Variants in PRPF31 observed in about 807,000 individuals in gnomAD.
PRPF31 encodes pre-mRNA processing factor 31.
A neutral mutation model predicts 60.4 loss-of-function variants in PRPF31; 12 were observed. The observed-to-expected ratio is 0.20, with a 90% CI of 0.13 to 0.32. PRPF31 has a LOEUF of 0.32. Among genes scored for constraint, PRPF31 ranks in the 10% least tolerant of loss-of-function variants. The pLI is 1.00. For missense variants in PRPF31, 431 were observed against 687.1 expected, an observed-to-expected ratio of 0.63 and a Z score of 4.17; for synonymous variants, 287 against 287.9, an observed-to-expected ratio of 1.00 and a Z score of 0.03.
At position 54,118,340 on chromosome 19, in the gene PRPF31, G is replaced by A. The variant is rs1568581657; in HGVS notation, c.62G>A (p.Gly21Glu). 1 of 1,613,968 alleles carries A rather than the reference G, an allele frequency of 6.2e-7. No individual in the cohort carries two copies. ...LEEAAEEEEG[G>E]SYGEEEEEPA... ...GAGGCAGCAGAAGAGGAGGAAGGAG[G>A]AAGCTATGGGGAGGAAGAAGAGGAG... Residue 21 changes from glycine to glutamate, a missense_variant, in exon 2 of 14, where the codon GGA (glycine) becomes GAA (glutamate). Gly to Glu is a moderately conservative substitution (Grantham distance 98). This residue lies in a region of PRPF31 where 113 missense variants were observed against 173.8 expected (regional missense o/e 0.65). Transcript: ENST00000321030.
rs189208653 is a variant in PRPF31 at position 54,123,309 on chromosome 19, C to T, written c.421-145C>T. The T allele has an allele frequency of 3.0e-5, 22 of 726,658 alleles. No homozygotes were observed. The Middle Eastern group carries it at 8.8e-4, about 29-fold the overall frequency. 45.0% of individuals were successfully genotyped at this position (726,658 alleles called of 1,614,324 possible). On this transcript the variant is annotated intron_variant, in intron 5 of 13. Coordinates refer to ENST00000321030, the MANE Select transcript of PRPF31 (RefSeq NM_015629.4). ...GCAGGAATGGTGTGGATGCTTCAGG[C>T]GGTGGAGGCAGGAGAGGCCCCCAGT...
At chr19:54,117,955 A>G (rs1301366102) in intron 1 of PRPF31, among the ~76,000 whole-genome samples, 3 of 152,186 alleles carry the variant, frequency 2.0e-5, no homozygotes, top group African/African-American at 7.2e-5. Context: ...GGAAACAAAG[A>G]ATTTCAAAGT....
At chr19:54,129,796 G>T (rs1408364131) in intron 13 of PRPF31, among the ~76,000 whole-genome samples, 1 of 151,408 alleles carries the variant, frequency 6.6e-6, no homozygotes, top group Non-Finnish European at 1.5e-5. Context: ...GCAGTGAGCA[G>T]CGTGGAGCAT....
intron 5 of PRPF31, chr19:54,122,991 CG>C (rs2073830568): frequency 2.2e-6 from 1 of 449,318 alleles, no homozygotes; most frequent in African/African-American, 2.0e-5. Flanking sequence ...GGGAAGAGGT[CG>C]GATCACGTCC....
At chr19:54,128,501 CT>C (rs2073975590) in intron 11 of PRPF31, 124 bp downstream of exon 11, 1 of 978,996 alleles carries the variant, frequency 1.0e-6, no homozygotes, top group East Asian at 2.6e-5. Context: ...CTGCCCCAGC[CT>C]CCCCCCCCCC....
chr19:54,131,659 TA>T lies in PRPF31; in HGVS notation c.*229del, dbSNP rs2074050976. On this transcript the variant is annotated 3_prime_UTR_variant, in exon 14 of 14. Transcript: ENST00000321030. The stretch of plus-strand genomic sequence containing the variant: ...GGTCTTCATCATGCCTTGTCTTTTT[TA>T]ACTGAGAAAGGAGATTTTTTGAAAA... 1.6e-6 allele frequency: 1 copy of T among 623,400 alleles called. No individual in the cohort carries two copies. The highest frequency in any genetic ancestry group is 2.9e-5 in the Admixed American group (1 of 34,584). 38.6% of individuals were successfully genotyped at this position (623,400 alleles called of 1,614,324 possible).
intron 5 of PRPF31, chr19:54,123,122 G>C: frequency 1.9e-6 from 1 of 521,208 alleles, no homozygotes; most frequent in Non-Finnish European, 3.5e-6. Context: ...GGATGGCGGT[G>C]GGGAAGCCCC....
In PRPF31 at chr19:54,118,296, G is replaced by A. The variant is rs772745878; in HGVS notation, c.18G>A (p.Glu6=). 6.2e-7 allele frequency: 1 copy of A among 1,613,394 alleles called. No homozygotes were observed. The highest frequency in any genetic ancestry group is 2.2e-5 in the East Asian group (1 of 44,864). MSLAD[E]LLADLEEAAE... ...GCCTCGGGATGTCTCTGGCAGATGA[G>A]CTCTTAGCTGATCTCGAAGAGGCAG... The change falls in exon 2 of 14, where the codon GAG becomes GAA. Residue 6 remains glutamate, a synonymous_variant. Coordinates refer to ENST00000321030, the MANE Select transcript of PRPF31 (RefSeq NM_015629.4).
At chr19:54,124,731 C>T in intron 8 of PRPF31, 75 bp downstream of exon 8, 2 of 1,521,502 alleles carry the variant, frequency 1.3e-6, no homozygotes, top group Admixed American at 1.7e-5. Context: ...CCTGAGCAGC[C>T]ACCCACCATC....
chr19:54,127,538 A>G lies in PRPF31; in HGVS notation c.946-535A>G, dbSNP rs183751422. 3.3e-5 allele frequency among the ~76,000 whole-genome samples: 5 copies of G among 152,302 alleles called. No individual in the cohort carries two copies. In the East Asian group the frequency reaches 9.7e-4, roughly 29 times the overall value. On this transcript the variant is annotated intron_variant, in intron 9 of 13. Coordinates refer to ENST00000321030, the MANE Select transcript of PRPF31 (RefSeq NM_015629.4). ...GCCCTGTGATTCTGGGAATTAGAAC[A>G]TGGGCCTCTTTGGGCATGTGTGTGT...
Position 54,131,647 on chromosome 19 carries a change from C to T in PRPF31, c.*215C>T. 2 of 646,736 alleles carry T rather than the reference C, an allele frequency of 3.1e-6. No individual in the cohort carries two copies. Among genetic ancestry groups the T allele is most frequent in the South Asian group, 1.9e-5 (1 of 53,810 alleles). 40.1% of individuals were successfully genotyped at this position (646,736 alleles called of 1,614,324 possible). ...TGGGCTAGAGCAGGTCTTCATCATG[C>T]CTTGTCTTTTTTAACTGAGAAAGGA... On this transcript the variant is annotated 3_prime_UTR_variant, in exon 14 of 14. Transcript: ENST00000321030.
intron 7 of PRPF31, 153 bp downstream of exon 7, chr19:54,124,071 C>A: frequency 6.9e-7 from 1 of 1,448,580 alleles, no homozygotes; most frequent in Non-Finnish European, 9.2e-7. Flanking sequence ...GCCTGGCACA[C>A]AGCAAAGCCT....
Position 54,129,062 on chromosome 19 carries a change from G to C in PRPF31, c.1152G>C (p.Glu384Asp), listed in dbSNP as rs909897610. The C allele has an allele frequency of 2.5e-6, 4 of 1,573,038 alleles. No homozygotes were observed. In the South Asian group the frequency reaches 4.7e-5, roughly 18 times the overall value. Residue 384 changes from glutamate to aspartate, a missense_variant, in exon 12 of 14, where the codon GAG becomes GAC. By Grantham distance (45) the Glu-to-Asp change is conservative. Transcript: ENST00000321030. ...QANRMSFGEI[E>D]EDAYQEDLGF... Reference sequence around the variant, plus strand: ...GCGCCTCCTCTCCCCCCTAGATCGAGGAGGACGCCTACCAGGAGGACCTGG... The same window carrying C: ...GCGCCTCCTCTCCCCCCTAGATCGACGAGGACGCCTACCAGGAGGACCTGG...
rs34154455 is a variant in PRPF31 at position 54,129,140 on chromosome 19, A to G, written c.1230A>G (p.Thr410=). 4,668 of 1,581,680 alleles carry G rather than the reference A, an allele frequency of 3.0e-3. 107 individuals are homozygous for G. The African/African-American group carries it at 0.048, about 16-fold the overall frequency. ...GKSGSGRVRQ[T]QVNEATKARI... The stretch of plus-strand genomic sequence containing the variant: ...CGGGCAGTGGGCGTGTGCGGCAGAC[A>G]CAGGTAAACGAGGCCACCAAGGCCA... Residue 410 remains threonine, a synonymous_variant, in exon 12 of 14, where the codon ACA becomes ACG. Transcript: ENST00000321030.
At position 54,131,545 on chromosome 19, in the gene PRPF31, T is replaced by G; in HGVS notation, c.*113T>G. On this transcript the variant is annotated 3_prime_UTR_variant, in exon 14 of 14. Transcript: ENST00000321030. ...AGAACCTGCCCTGCCACTGGCCCCATTGCTGGGACTGCCCAGGGAGGAGGC... is the reference window on the plus strand; with the variant it reads ...AGAACCTGCCCTGCCACTGGCCCCAGTGCTGGGACTGCCCAGGGAGGAGGC... 6.7e-7 allele frequency: 1 copy of G among 1,483,548 alleles called. No individual in the cohort carries two copies. The highest frequency in any genetic ancestry group is 9.2e-7 in the Non-Finnish European group (1 of 1,085,406). The allele number at this position is 1,483,548 out of a possible 1,614,324, so 91.9% of individuals were successfully genotyped here. A position where few individuals can be genotyped will look rare whatever the true frequency, so the allele number is the denominator to read the frequency against.
rs56396916 is a variant in PRPF31, at chr19:54,122,474, A to G, written c.323-23A>G. 8.8e-3 allele frequency: 13,910 copies of G among 1,575,934 alleles called. 1,013 individuals are homozygous for G. The African/African-American group carries it at 0.16, about 18-fold the overall frequency. ...AGTCTACCTTCCATCTCACCCGACAACCTCCTGTCCCGTTTACCCTAGACA... is the reference window on the plus strand; with the variant it reads ...AGTCTACCTTCCATCTCACCCGACAGCCTCCTGTCCCGTTTACCCTAGACA... On this transcript the variant is annotated intron_variant, in intron 4 of 13. Transcript: ENST00000321030.
At chr19:54,130,550 G>A (rs1331871544) in intron 13 of PRPF31, among the ~76,000 whole-genome samples, 4 of 152,086 alleles carry the variant, frequency 2.6e-5, no homozygotes, top group South Asian at 2.1e-4. Context: ...GCGTGAACCC[G>A]GGAGGCGGAG....
intron 1 of PRPF31, among the ~76,000 whole-genome samples, chr19:54,116,265 C>G (rs1183705315): frequency 1.3e-5 from 2 of 151,184 alleles, no homozygotes; most frequent in Non-Finnish European, 2.9e-5. Flanking sequence ...AGTGCAGTGG[C>G]GCGATCTCGG....
Position 54,118,562 on chromosome 19 carries a change from C to T in PRPF31, c.178-11C>T, listed in dbSNP as rs1222412992. 2.5e-6 allele frequency: 4 copies of T among 1,614,002 alleles called. No homozygotes were observed. Among genetic ancestry groups the T allele is most frequent in the East Asian group, 2.2e-5 (1 of 44,894 alleles). On this transcript the variant is annotated splice_polypyrimidine_tract_variant and intron_variant, in intron 2 of 13. Transcript: ENST00000321030. ...AGTGCTGGATTCTGACTGTCTTCTC[C>T]TTTCCTACAGTTTGCTGAGATTATG...
Sources: gnomAD v4.1 joint callset for allele counts (sites outside exome capture counted in the v4.1 genomes callset) on GRCh38, gnomAD v4.1.1 for gene constraint, gnomAD v4.1.1 regional missense constraint, MANE v1.5 for transcripts, NCBI Gene and HGNC (gene_info 2026-07-23, HGNC 2026-07-21) for gene names.